Variants in STIM1 observed in about 807,000 individuals in gnomAD.
STIM1 encodes stromal interaction molecule 1.
A neutral mutation model predicts 74.7 loss-of-function variants in STIM1; 25 were observed. The observed-to-expected ratio is 0.33, with a 90% CI of 0.24 to 0.47. The LOEUF is 0.47. Among genes scored for constraint, STIM1 ranks in the 20% least tolerant of loss-of-function variants. STIM1 has a pLI of 1.00. For missense variants in STIM1, 728 were observed against 920.8 expected, an observed-to-expected ratio of 0.79 and a Z score of 2.71; for synonymous variants, 328 against 348.8, an observed-to-expected ratio of 0.94 and a Z score of 0.66.
intron 1 of STIM1, 138 bp from the exon 2 acceptor site, chr11:3,967,414 C>T (rs1409328299): frequency 3.9e-6 from 5 of 1,270,938 alleles, no homozygotes; most frequent in South Asian, 2.4e-5. Flanking sequence ...AGATGAAACA[C>T]CTCTGTCACT....
At chr11:3,892,721 A>G in intron 1 of STIM1, 1 of 1,613,096 alleles carries the variant, frequency 6.2e-7, no homozygotes, top group Admixed American at 1.7e-5. Flanking sequence ...CCCTGGAATA[A>G]TTCTGTGAAA....
At chr11:3,889,407 G>A (rs555103952) in intron 1 of STIM1, among the ~76,000 whole-genome samples, 51 of 145,598 alleles carry the variant, frequency 3.5e-4, no homozygotes, top group Non-Finnish European at 5.8e-4. Flanking sequence ...TCGCTTTGTC[G>A]CCCAGGCTGG....
At chr11:4,018,514 G>C (rs979483952) in intron 2 of STIM1, among the ~76,000 whole-genome samples, 7 of 149,698 alleles carry the variant, frequency 4.7e-5, no homozygotes, top group African/African-American at 1.5e-4. Context: ...GAGTGGTGGT[G>C]CATGCCTGTA....
chr11:4,083,425 C>A lies in STIM1; in HGVS notation c.1401C>A (p.Asn467Lys). ...GCTGGATGGGCAGTACACGCCCCAA[C>A]CCTGCTCACTTCATCATGACTGACG... ...DPSWMGSTRP[N>K]PAHFIMTDDV... Residue 467 changes from asparagine (N) to lysine (K), a missense_variant, in exon 10 of 13, where the codon AAC becomes AAA. Physicochemically the swap from Asn to Lys is moderately conservative, Grantham distance 94. Coordinates refer to ENST00000526596, the MANE Select transcript of STIM1 (RefSeq NM_001382567.1). 2 of 1,614,272 alleles carry A rather than the reference C, an allele frequency of 1.2e-6. No individual in the cohort carries two copies. The highest frequency in any genetic ancestry group is 1.7e-6 in the Non-Finnish European group (2 of 1,180,056).
At chr11:3,941,673 T>TAG (rs1554959602) in intron 1 of STIM1, among the ~76,000 whole-genome samples, 8,577 of 90,586 alleles carry the variant, frequency 0.095, 462 homozygotes, top group African/African-American at 0.16. Context: ...TATATATATA[T>TAG]AGAGAGAGAG....
chr11:4,057,880 A>G (rs1008270664), intron 4 of STIM1, among the ~76,000 whole-genome samples: 1 of 152,082 alleles, frequency 6.6e-6, no homozygotes, highest in Non-Finnish European at 1.5e-5. Flanking sequence ...AAAAAAAAAA[A>G]AAAAAAGAAA....
At chr11:3,943,925 G>A (rs1240002718) in intron 1 of STIM1, among the ~76,000 whole-genome samples, 1 of 152,218 alleles carries the variant, frequency 6.6e-6, no homozygotes, top group South Asian at 2.1e-4. Flanking sequence ...AAATGTATTA[G>A]TCAAAGGATA....
chr11:3,935,044 T>A (rs1173903339), intron 1 of STIM1, among the ~76,000 whole-genome samples: 1 of 152,384 alleles, frequency 6.6e-6, no homozygotes, highest in East Asian at 1.9e-4. Flanking sequence ...ATTACTGTCA[T>A]CTTTTCGCAG....
At chr11:3,862,088 GCTGTTGTTGTTA>G (rs1168389321) in intron 1 of STIM1, among the ~76,000 whole-genome samples, 1 of 152,056 alleles carries the variant, frequency 6.6e-6, no homozygotes, top group Admixed American at 6.6e-5. Context: ...CTTTGTTGTT[GCTGTTGTTGTTA>G]CTGTTGATTA....
At chr11:4,048,889 A>G (rs2133046423) in intron 3 of STIM1, among the ~76,000 whole-genome samples, 1 of 152,194 alleles carries the variant, frequency 6.6e-6, no homozygotes, top group African/African-American at 2.4e-5. Flanking sequence ...GCCCGCCACC[A>G]CGCCCAGTTA....
intron 1 of STIM1, among the ~76,000 whole-genome samples, chr11:3,935,823 C>T (rs1318961391): frequency 6.6e-6 from 1 of 152,196 alleles, no homozygotes; most frequent in Non-Finnish European, 1.5e-5. Context: ...CTCCCTTATT[C>T]CCTAGCAGCA....
At chr11:4,067,989 A>T (rs1056712294) in intron 5 of STIM1, among the ~76,000 whole-genome samples, 1 of 152,182 alleles carries the variant, frequency 6.6e-6, no homozygotes, top group Admixed American at 6.5e-5. Context: ...TAGCTCATGG[A>T]TGTGGCAGGT....
rs560733500 is a variant in STIM1 at position 3,861,607 on chromosome 11, G to A, written c.139+5198G>A. On this transcript the variant is annotated intron_variant, in intron 1 of 12. Transcript: ENST00000526596. ...TGAGATATCTGTAGCAATGTAATGT[G>A]ATATGAAAACATCTGTTGATTTCTA... is the stretch of plus-strand genomic sequence containing the variant. Among the ~76,000 whole-genome samples, 96 of 152,316 alleles carry A rather than the reference G, an allele frequency of 6.3e-4. No individual in the cohort carries two copies. The South Asian group carries it at 0.012, about 19-fold the overall frequency.
At chr11:3,892,484 C>G (rs779426792) in intron 1 of STIM1, 16 of 1,530,570 alleles carry the variant, frequency 1.0e-5, no homozygotes. Context: ...AATATTCATG[C>G]CTTCTTTCGC....
intron 3 of STIM1, among the ~76,000 whole-genome samples, chr11:4,029,632 G>T (rs557093833): frequency 6.6e-6 from 1 of 152,000 alleles, no homozygotes; most frequent in Admixed American, 6.6e-5. Flanking sequence ...TGTGTATGTG[G>T]TGTGTGCGTA....
chr11:4,069,850 T>C (rs1172927228), intron 5 of STIM1, among the ~76,000 whole-genome samples, 176 bp from the exon 6 acceptor site: 1 of 152,196 alleles, frequency 6.6e-6, no homozygotes, highest in African/African-American at 2.4e-5. Flanking sequence ...GAGATAGACA[T>C]AGAGCTTACT....
chr11:3,983,665 G>A (rs2093528849), intron 2 of STIM1, among the ~76,000 whole-genome samples: 1 of 152,106 alleles, frequency 6.6e-6, no homozygotes, highest in South Asian at 2.1e-4. Context: ...TTAACCTTGT[G>A]CTCAGGGCCT....
intron 2 of STIM1, among the ~76,000 whole-genome samples, chr11:3,969,551 AGG>A (rs1478047704): frequency 6.6e-6 from 1 of 152,242 alleles, no homozygotes; most frequent in Admixed American, 6.5e-5. Context: ...TTTGTCTGTA[AGG>A]ATGAACCAGA....
At chr11:3,992,089 G>GTTTTTTTTTTTTTT (rs75377604) in intron 2 of STIM1, among the ~76,000 whole-genome samples, 36 of 95,374 alleles carry the variant, frequency 3.8e-4, no homozygotes, top group Non-Finnish European at 4.3e-4. Context: ...CTGTTTTTTT[G>GTTTTTTTTTTTTTT]TTTTTTTTTT....
Sources: gnomAD v4.1 joint callset for allele counts (sites outside exome capture counted in the v4.1 genomes callset) on GRCh38, gnomAD v4.1.1 for gene constraint, MANE v1.5 for transcripts, NCBI Gene and HGNC (gene_info 2026-07-23, HGNC 2026-07-21) for gene names.